Variants in RBFOX1 observed in about 807,000 individuals in gnomAD.
RBFOX1 encodes the protein RNA binding protein fox-1 homolog 1.
A neutral mutation model predicts 57.7 loss-of-function variants in RBFOX1; 8 were observed. That is an observed-to-expected ratio of 0.14 (90% confidence interval 0.08 to 0.25). The LOEUF is 0.25. Among genes scored for constraint, RBFOX1 ranks in the 10% least tolerant of loss-of-function variants. The pLI, the probability that RBFOX1 is intolerant of heterozygous loss-of-function variation, is 1.00. For missense variants in RBFOX1, 611 were observed against 548.5 expected (o/e 1.11, Z -1.14); for synonymous variants, 326 against 222.4 (o/e 1.47, Z -4.15).
At chr16:7,555,116 C>T (rs931908879) in intron 5 of RBFOX1, among the ~76,000 whole-genome samples, 2 of 152,012 alleles carry the variant, frequency 1.3e-5, no homozygotes, top group African/African-American at 4.8e-5. Flanking sequence ...TAGTAGAAGC[C>T]CATTAAATTA....
At chr16:6,228,460 C>T (rs2097433566) in intron 1 of RBFOX1, among the ~76,000 whole-genome samples, 1 of 151,714 alleles carries the variant, frequency 6.6e-6, no homozygotes, top group African/African-American at 2.4e-5. Context: ...CATATACATG[C>T]CATGAAATAC....
At chr16:6,755,731 A>C (rs1603568275) in intron 3 of RBFOX1, among the ~76,000 whole-genome samples, 2 of 152,292 alleles carry the variant, frequency 1.3e-5, no homozygotes, top group Non-Finnish European at 2.9e-5. Flanking sequence ...CCTGTTATTC[A>C]AAAACAACTA....
chr16:6,728,513 T>G (rs948940539), intron 3 of RBFOX1, among the ~76,000 whole-genome samples: 1 of 152,160 alleles, frequency 6.6e-6, no homozygotes. Flanking sequence ...TTTTTAATTC[T>G]CAACGCATCT....
chr16:7,117,405 A>C (rs1212308829), intron 4 of RBFOX1, among the ~76,000 whole-genome samples: 3 of 152,212 alleles, frequency 2.0e-5, no homozygotes, highest in Non-Finnish European at 4.4e-5. Flanking sequence ...AACATGGGGC[A>C]TGATTATTAA....
At chr16:5,594,038 G>T (rs1396852514) in intron 2 of RBFOX1, among the ~76,000 whole-genome samples, 10 of 151,920 alleles carry the variant, frequency 6.6e-5, no homozygotes, top group Admixed American at 5.9e-4. Context: ...GTCAGCCATG[G>T]CCTTGGCTTG....
intron 1 of RBFOX1, among the ~76,000 whole-genome samples, chr16:5,364,478 G>A (rs1254293628): frequency 1.3e-5 from 2 of 152,206 alleles, no homozygotes; most frequent in African/African-American, 4.8e-5. Context: ...TCAGCCAAGA[G>A]GAACTTACTT....
intron 4 of RBFOX1, among the ~76,000 whole-genome samples, chr16:7,352,466 C>G (rs763913102): frequency 6.6e-6 from 1 of 152,122 alleles, no homozygotes; most frequent in Admixed American, 6.5e-5. Flanking sequence ...CATCTGAAGA[C>G]GTGGGGTGGG....
chr16:7,326,090 A>G (rs756327795), intron 4 of RBFOX1, among the ~76,000 whole-genome samples: 14 of 151,936 alleles, frequency 9.2e-5, no homozygotes, highest in Non-Finnish European at 1.5e-4. Flanking sequence ...AGTCACTTGG[A>G]CTCCCTGCGC....
rs554479449 is a variant in RBFOX1, at chr16:6,006,338, G to A, written c.351+139003G>A. 2.9e-4 allele frequency among the ~76,000 whole-genome samples: 44 copies of A among 151,200 alleles called. 2 individuals carry two copies. In the South Asian group the frequency reaches 9.2e-3, roughly 32 times the overall value. On this transcript the variant is annotated intron_variant, in intron 4 of 19. Coordinates refer to the RBFOX1 transcript ENST00000641259. ...TATGTGATCCCATCTGGACCAGTGAGTGCACACACAAGGATTTGTTTGAGC... is the reference window on the plus strand; with the variant it reads ...TATGTGATCCCATCTGGACCAGTGAATGCACACACAAGGATTTGTTTGAGC...
At chr16:7,706,049 C>G (rs1044207951) in intron 14 of RBFOX1, among the ~76,000 whole-genome samples, 1 of 152,120 alleles carries the variant, frequency 6.6e-6, no homozygotes, top group Non-Finnish European at 1.5e-5. Context: ...TGTGCTCTGT[C>G]TCCGGGCTGT....
intron 4 of RBFOX1, among the ~76,000 whole-genome samples, chr16:7,397,337 C>G (rs988065472): frequency 1.3e-5 from 2 of 152,154 alleles, no homozygotes; most frequent in African/African-American, 4.8e-5. Flanking sequence ...TTGCAAGTGA[C>G]TTTTCAGGAC....
intron 2 of RBFOX1, among the ~76,000 whole-genome samples, chr16:6,530,839 C>G (rs1370016076): frequency 6.6e-6 from 1 of 152,090 alleles, no homozygotes; most frequent in Non-Finnish European, 1.5e-5. Context: ...TACCTTCCAC[C>G]GGATCCCTCC....
chr16:6,759,584 G>C (rs2076318238), intron 3 of RBFOX1, among the ~76,000 whole-genome samples: 1 of 151,650 alleles, frequency 6.6e-6, no homozygotes, highest in Non-Finnish European at 1.5e-5. Context: ...ATGAGTTCCA[G>C]TTCCAGTATT....
chr16:5,487,721 A>C (rs111854731), intron 2 of RBFOX1, among the ~76,000 whole-genome samples: 7 of 152,172 alleles, frequency 4.6e-5, no homozygotes, highest in Admixed American at 3.3e-4. Context: ...TCTTCCAGGC[A>C]TAGGAAGTTT....
chr16:6,707,509 C>T (rs1197940832), intron 3 of RBFOX1, among the ~76,000 whole-genome samples: 3 of 127,162 alleles, frequency 2.4e-5, no homozygotes, highest in Non-Finnish European at 3.1e-5. Flanking sequence ...TTGTAAACAT[C>T]ACTGCAGTGA....
chr16:5,272,511 C>T (rs370459325), intron 1 of RBFOX1, among the ~76,000 whole-genome samples: 1 of 152,136 alleles, frequency 6.6e-6, no homozygotes, highest in Non-Finnish European at 1.5e-5. Context: ...TGTAGGGATT[C>T]AATATCTCAG....
At chr16:5,471,162 A>C (rs777117766) in intron 2 of RBFOX1, among the ~76,000 whole-genome samples, 5 of 151,740 alleles carry the variant, frequency 3.3e-5, no homozygotes, top group Non-Finnish European at 5.9e-5. Flanking sequence ...AACTCATTAC[A>C]GTCTCGGCTT....
At chr16:6,957,378 C>G (rs2082091033) in intron 3 of RBFOX1, among the ~76,000 whole-genome samples, 2 of 152,016 alleles carry the variant, frequency 1.3e-5, no homozygotes, top group African/African-American at 4.8e-5. Flanking sequence ...TGATCTGCCT[C>G]CCAATGTGCT....
rs115493010 is a variant in RBFOX1, at chr16:6,992,736, A to G, written c.-15-59321A>G. Among the ~76,000 whole-genome samples the G allele has an allele frequency of 4.3e-3, 659 of 151,642 alleles. 3 individuals are homozygous for G. The highest frequency in any genetic ancestry group is 0.014 in the African/African-American group (578 of 41,406). On this transcript the variant is annotated intron_variant, in intron 3 of 15. Transcript: ENST00000550418. ...TTAGAGAAAAGATGGCATGAGTCCA[A>G]GAGGTCACATGATCTACCCAAGGTC...
Sources: gnomAD v4.1 joint callset for allele counts (sites outside exome capture counted in the v4.1 genomes callset) on GRCh38, gnomAD v4.1.1 for gene constraint, MANE v1.5 for transcripts, NCBI Gene and HGNC (gene_info 2026-07-23, HGNC 2026-07-21) for gene names.